The following ANK2 variants were observed in gnomAD, a reference collection of about 807,000 sequenced individuals.
ANK2 encodes the protein ankyrin 2, also known as ankyrin-2.
Under a neutral mutation model 360.5 loss-of-function variants are expected in ANK2, and 83 were observed. The observed-to-expected ratio is 0.23, with a 90% CI of 0.19 to 0.28. The LOEUF (loss-of-function observed/expected upper bound fraction) is 0.28, where lower values mean the gene tolerates loss of function less well. Among genes scored for constraint, ANK2 ranks in the 10% least tolerant of loss-of-function variants. ANK2 has a pLI of 1.00. For missense variants in ANK2, 4,201 were observed against 4,795.7 expected (o/e 0.88, Z 3.66); for synonymous variants, 1,740 against 1,759.5 (o/e 0.99, Z 0.28).
At chr4:112,729,276 T>G in the ANK2 span, among the ~76,000 whole-genome samples, 1 of 151,760 alleles carries the variant, frequency 6.6e-6, no homozygotes, top group African/African-American at 2.4e-5. Flanking sequence ...TGGAAAACAA[T>G]ATGAAGTTTT....
Position 113,355,549 on chromosome 4 carries a change from G to A in ANK2, c.6931G>A (p.Ala2311Thr). The change falls in exon 38 of 46, where the codon GCC becomes ACC. Residue 2311 changes from alanine to threonine, a missense_variant. By Grantham distance (58) the Ala-to-Thr change is moderately conservative. Coordinates refer to ENST00000357077, the MANE Select transcript of ANK2 (RefSeq NM_001148.6). ...CTCTACTGAGAGTTTTCAGAAAGAG[G>A]CCACTCTAGGCTCTCCCAAAGACAC... is the stretch of plus-strand genomic sequence containing the variant. ...ETSTESFQKE[A>T]TLGSPKDTSP... is the part of the protein sequence containing the mutation. 4 of 1,614,066 alleles carry A rather than the reference G, an allele frequency of 2.5e-6. No homozygotes were observed. Among genetic ancestry groups the A allele is most frequent in the Non-Finnish European group, 3.4e-6 (4 of 1,179,964 alleles).
At chr4:112,902,207 C>A (rs991329925) in intron 1 of ANK2, among the ~76,000 whole-genome samples, 4 of 152,184 alleles carry the variant, frequency 2.6e-5, no homozygotes, top group Non-Finnish European at 1.5e-5. Context: ...ACAGATCATC[C>A]CAATGGGAGC....
chr4:112,863,803 T>A (rs1034072146), intron 1 of ANK2, among the ~76,000 whole-genome samples: 11 of 152,122 alleles, frequency 7.2e-5, no homozygotes, highest in Non-Finnish European at 1.3e-4. Flanking sequence ...ATTACAGGCG[T>A]GAGCCACCGC....
At chr4:112,845,539 T>C (rs572300031) in intron 1 of ANK2, among the ~76,000 whole-genome samples, 2 of 152,292 alleles carry the variant, frequency 1.3e-5, no homozygotes, top group South Asian at 4.1e-4. Flanking sequence ...GGTGTGAGAA[T>C]AGAAACCAAT....
chr4:113,126,021 A>G (rs1231660139), intron 1 of ANK2, among the ~76,000 whole-genome samples: 4 of 152,180 alleles, frequency 2.6e-5, no homozygotes. Flanking sequence ...AAATGAAGTA[A>G]TCATATAAAG....
chr4:113,349,976 A>G (rs1373866634), intron 36 of ANK2, among the ~76,000 whole-genome samples: 2 of 152,136 alleles, frequency 1.3e-5, no homozygotes, highest in Admixed American at 6.6e-5. Flanking sequence ...AGCCTGGGTC[A>G]TATCTTCCCA....
chr4:112,783,475 A>G, the ANK2 span, among the ~76,000 whole-genome samples: 1 of 152,210 alleles, frequency 6.6e-6, no homozygotes, highest in Non-Finnish European at 1.5e-5. Flanking sequence ...ATTCCCATGC[A>G]TTTCTTTGAA....
At chr4:113,135,194 A>C (rs72892063) in intron 1 of ANK2, among the ~76,000 whole-genome samples, 1,718 of 152,294 alleles carry the variant, frequency 0.011, 31 homozygotes, top group African/African-American at 0.038. Context: ...AAAGGTTAGC[A>C]TTTGCTTTGA....
chr4:113,376,802 G>GTTTT (rs36011726), intron 45 of ANK2, among the ~76,000 whole-genome samples: 34 of 114,170 alleles, frequency 3.0e-4, no homozygotes, highest in South Asian at 5.8e-4. Flanking sequence ...ACTTTTTAAG[G>GTTTT]TTTTTTTTTT....
chr4:113,128,317 C>T (rs902222253), intron 1 of ANK2, among the ~76,000 whole-genome samples: 4 of 152,244 alleles, frequency 2.6e-5, no homozygotes, highest in African/African-American at 9.6e-5. Flanking sequence ...GTATACGAAA[C>T]AGAGTAATTC....
intron 2 of ANK2, among the ~76,000 whole-genome samples, chr4:113,018,492 G>C (rs938795985): frequency 9.2e-5 from 14 of 152,236 alleles, no homozygotes; most frequent in African/African-American, 3.1e-4. Flanking sequence ...CTATTTGACA[G>C]CTTGCTAGTT....
At chr4:112,850,488 C>A (rs1579667570) in intron 1 of ANK2, among the ~76,000 whole-genome samples, 15 of 45,520 alleles carry the variant, frequency 3.3e-4, no homozygotes, top group East Asian at 1.5e-3. Flanking sequence ...TTTTTTTTAA[C>A]ATTTCCTGTG....
At chr4:113,233,394 C>T (rs7671739) in intron 5 of ANK2, among the ~76,000 whole-genome samples, 7,743 of 151,756 alleles carry the variant, frequency 0.051, 660 homozygotes, top group African/African-American at 0.18. Flanking sequence ...CTCGGCCTCC[C>T]AAAGTGCTGG....
intron 2 of ANK2, among the ~76,000 whole-genome samples, chr4:113,004,192 A>G (rs540204232): frequency 6.6e-6 from 1 of 152,260 alleles, no homozygotes; most frequent in East Asian, 1.9e-4. Context: ...TTCTTCGATA[A>G]TAAGTTAACC....
chr4:113,294,764 G>C (rs2070086338), intron 22 of ANK2, among the ~76,000 whole-genome samples: 1 of 152,178 alleles, frequency 6.6e-6, no homozygotes, highest in Non-Finnish European at 1.5e-5. Flanking sequence ...TATTTTTAAA[G>C]ATTTAAGGTA....
At chr4:112,753,766 G>A in the ANK2 span, among the ~76,000 whole-genome samples, 3 of 152,056 alleles carry the variant, frequency 2.0e-5, no homozygotes, top group East Asian at 1.9e-4. Context: ...GTCTAAAAGG[G>A]GAGGCATGAA....
chr4:113,029,355 C>T (rs1483682055), intron 2 of ANK2, among the ~76,000 whole-genome samples: 1 of 152,034 alleles, frequency 6.6e-6, no homozygotes, highest in Non-Finnish European at 1.5e-5. Context: ...CTGCCTCAAC[C>T]TCCTGAGTAG....
intron 24 of ANK2, among the ~76,000 whole-genome samples, chr4:113,313,120 G>C (rs1405351330): frequency 6.6e-6 from 1 of 152,192 alleles, no homozygotes; most frequent in East Asian, 1.9e-4. Flanking sequence ...GCTCCCAGAA[G>C]GAGGAGCCCC....
upstream of ANK2, among the ~76,000 whole-genome samples, chr4:112,814,042 AAAG>A (rs995265542): frequency 2.6e-5 from 4 of 152,232 alleles, no homozygotes; most frequent in Non-Finnish European, 4.4e-5. Flanking sequence ...AAAGGAAACA[AAAG>A]AAGTTTAAGG....
Sources: allele counts gnomAD v4.1 joint callset (sites outside exome capture counted in the v4.1 genomes callset), GRCh38; gene constraint gnomAD v4.1.1; transcripts MANE v1.5; gene names NCBI Gene and HGNC (gene_info 2026-07-23, HGNC 2026-07-21).